Variants in CAMTA1 observed in about 807,000 individuals in gnomAD.
The protein encoded by CAMTA1 is calmodulin binding transcription activator 1.
Under a neutral mutation model 170.9 loss-of-function variants are expected in CAMTA1, and 27 were observed. The ratio of observed to expected loss-of-function variants is 0.16; its 90% CI spans 0.12 to 0.22. CAMTA1 has a LOEUF of 0.22. Ranked by LOEUF, CAMTA1 falls within the 10% of genes least tolerant of loss-of-function variation. The pLI, the probability that CAMTA1 is intolerant of heterozygous loss-of-function variation, is 1.00. For missense variants in CAMTA1, 1,619 were observed against 2,217.2 expected, an observed-to-expected ratio of 0.73 and a Z score of 5.42; for synonymous variants, 833 against 891.5, an observed-to-expected ratio of 0.93 and a Z score of 1.17.
At chr1:7,257,236 C>A (rs972247588) in intron 5 of CAMTA1, among the ~76,000 whole-genome samples, 1 of 152,148 alleles carries the variant, frequency 6.6e-6, no homozygotes, top group East Asian at 1.9e-4. Flanking sequence ...CTGTGCGCAT[C>A]ATCTTATCTG....
intron 7 of CAMTA1, among the ~76,000 whole-genome samples, chr1:7,655,817 G>C (rs1160122206): frequency 6.6e-6 from 1 of 152,208 alleles, no homozygotes; most frequent in Non-Finnish European, 1.5e-5. Context: ...CATAGAGCAG[G>C]GTTGGTGTGG....
At chr1:7,677,761 C>T (rs1193785796) in intron 11 of CAMTA1, 28 bp downstream of exon 11, 1 of 1,605,076 alleles carries the variant, frequency 6.2e-7, no homozygotes. Flanking sequence ...GTCGTCTTGC[C>T]AGGCACCAAG....
chr1:7,493,560 G>A (rs542216337), intron 6 of CAMTA1, among the ~76,000 whole-genome samples: 1 of 151,836 alleles, frequency 6.6e-6, no homozygotes, highest in South Asian at 2.1e-4. Flanking sequence ...TACCAGGCAC[G>A]CAACGACGGA....
intron 22 of CAMTA1, among the ~76,000 whole-genome samples, chr1:7,764,273 T>G (rs989245695): frequency 6.6e-5 from 10 of 152,342 alleles, no homozygotes; most frequent in African/African-American, 2.4e-4. Context: ...GTATTCTAAC[T>G]GTGCCTGTTA....
intron 4 of CAMTA1, among the ~76,000 whole-genome samples, chr1:7,104,544 C>A (rs1643390936): frequency 6.6e-6 from 1 of 152,160 alleles, no homozygotes; most frequent in Admixed American, 6.5e-5. Context: ...ACTGGATCCC[C>A]AGAGGCTCCA....
At chr1:7,566,754 C>T (rs572250321) in intron 6 of CAMTA1, among the ~76,000 whole-genome samples, 3 of 152,316 alleles carry the variant, frequency 2.0e-5, no homozygotes, top group Non-Finnish European at 2.9e-5. Context: ...GGGAAGACAA[C>T]GAGATGTCCA....
At chr1:7,331,955 G>A (rs1360072540) in intron 5 of CAMTA1, among the ~76,000 whole-genome samples, 2 of 152,124 alleles carry the variant, frequency 1.3e-5, no homozygotes, top group Non-Finnish European at 2.9e-5. Context: ...AGACTTAGAC[G>A]CCTCTCCCCA....
At chr1:7,122,260 G>A (rs1040758806) in intron 4 of CAMTA1, among the ~76,000 whole-genome samples, 8 of 151,818 alleles carry the variant, frequency 5.3e-5, no homozygotes, top group African/African-American at 1.5e-4. Context: ...TCTTGCCCCC[G>A]CCTTGAGCTT....
intron 6 of CAMTA1, among the ~76,000 whole-genome samples, chr1:7,595,556 C>G (rs987358207): frequency 6.6e-6 from 1 of 152,180 alleles, no homozygotes; most frequent in Non-Finnish European, 1.5e-5. Flanking sequence ...GCCCGGACAC[C>G]GCCGGGGATG....
chr1:7,504,629 G>T (rs541681863), intron 6 of CAMTA1, among the ~76,000 whole-genome samples: 1 of 152,392 alleles, frequency 6.6e-6, no homozygotes, highest in East Asian at 1.9e-4. Context: ...GGAAGAGGTT[G>T]GGGATGCACC....
chr1:7,103,450 CACA>C (rs928126943), intron 4 of CAMTA1, among the ~76,000 whole-genome samples: 15 of 141,816 alleles, frequency 1.1e-4, no homozygotes, highest in South Asian at 2.3e-4. Context: ...CACATGCACA[CACA>C]ACTACACACA....
intron 3 of CAMTA1, among the ~76,000 whole-genome samples, chr1:6,895,912 C>T (rs886083504): frequency 3.3e-5 from 5 of 152,152 alleles, no homozygotes; most frequent in Admixed American, 2.0e-4. Flanking sequence ...TCAGCTCTTC[C>T]CCATCCTATT....
chr1:7,705,969 G>A (rs1457807900), intron 11 of CAMTA1, among the ~76,000 whole-genome samples: 2 of 152,180 alleles, frequency 1.3e-5, no homozygotes, highest in East Asian at 3.9e-4. Context: ...TCTAGGTATT[G>A]CGCCTCTTTA....
rs141507580 is a variant in CAMTA1 at position 6,806,246 on chromosome 1, A to G, written c.46-13935A>G. 1.6e-3 allele frequency among the ~76,000 whole-genome samples: 238 copies of G among 152,316 alleles called. 3 individuals carry two copies. The highest frequency in any genetic ancestry group is 5.4e-3 in the African/African-American group (225 of 41,564). ...TGTCTATCTTTGTGCCATTACCACA[A>G]TGTCTTGATTCTGTAGCTTTGTAGT... On this transcript the variant is annotated intron_variant, in intron 1 of 22. Coordinates refer to ENST00000303635, the MANE Select transcript of CAMTA1 (RefSeq NM_015215.4).
In CAMTA1 at chr1:6,887,929, C is replaced by T. The variant is rs1435149693; in HGVS notation, c.234+62719C>T. 20 of 1,327,774 alleles carry T rather than the reference C, an allele frequency of 1.5e-5. No homozygotes were observed. Among genetic ancestry groups the T allele is most frequent in the Non-Finnish European group, 1.9e-5 (20 of 1,032,242 alleles). 82.2% of individuals were successfully genotyped at this position (1,327,774 alleles called of 1,614,324 possible). ...GAGTTATTACGAAGGAGCTCCGCAG[C>T]CTGACTGAGCTCTGGAGAGCAGGGC... On this transcript the variant is annotated intron_variant, in intron 3 of 22. Transcript: ENST00000303635. The surrounding 1 kb of genome is among the most constrained non-coding windows in gnomAD (Gnocchi z 4.1).
At chr1:6,855,930 A>G (rs906292447) in intron 3 of CAMTA1, among the ~76,000 whole-genome samples, 1 of 152,124 alleles carries the variant, frequency 6.6e-6, no homozygotes, top group East Asian at 1.9e-4. Context: ...ATGGCCAAGA[A>G]GTTGCTGGCA....
intron 5 of CAMTA1, among the ~76,000 whole-genome samples, chr1:7,257,076 C>CGT (rs1553291546): frequency 1.5e-5 from 2 of 135,134 alleles, no homozygotes; most frequent in Non-Finnish European, 3.3e-5. Context: ...CATCGCATGG[C>CGT]GGGGGCGGGG....
In CAMTA1 at chr1:7,745,172, C is replaced by G. The variant is rs2096848266; in HGVS notation, c.4370+150C>G. On this transcript the variant is annotated intron_variant, in intron 17 of 22. Coordinates refer to ENST00000303635, the MANE Select transcript of CAMTA1 (RefSeq NM_015215.4). ...TGAGGACAAGCTCTGTTGCCACTTT[C>G]AAGGCCCAGCTCCTATTCCTACCTC... The G allele has an allele frequency of 1.2e-5, 8 of 686,348 alleles. No homozygotes were observed. The South Asian group carries it at 1.2e-4, about 10-fold the overall frequency. The allele number at this position is 686,348 out of a possible 1,614,324, so 42.5% of individuals were successfully genotyped here. A position where few individuals can be genotyped will look rare whatever the true frequency, so the allele number is the denominator to read the frequency against.
chr1:7,686,291 G>A (rs946811675), intron 11 of CAMTA1, among the ~76,000 whole-genome samples: 1 of 152,190 alleles, frequency 6.6e-6, no homozygotes, highest in Non-Finnish European at 1.5e-5. Context: ...GTCTGGGAGA[G>A]GGTACCAGGG....
Sources: gnomAD v4.1 joint callset for allele counts (sites outside exome capture counted in the v4.1 genomes callset) on GRCh38, gnomAD v4.1.1 for gene constraint, Gnocchi (gnomAD v3.1) non-coding constraint, MANE v1.5 for transcripts, NCBI Gene and HGNC (gene_info 2026-07-23, HGNC 2026-07-21) for gene names.